Variants in SLC17A4 observed in about 807,000 individuals in gnomAD.
The protein encoded by SLC17A4 is solute carrier family 17 member 4.
Under a neutral mutation model 52.5 loss-of-function variants are expected in SLC17A4, and 33 were observed. The observed-to-expected ratio is 0.63, with a 90% CI of 0.48 to 0.84. The LOEUF is 0.84. Among genes scored for constraint, SLC17A4 ranks in the 40% least tolerant of loss-of-function variants. SLC17A4 has a pLI of 0.00. For missense variants in SLC17A4, 585 were observed against 597.1 expected, an observed-to-expected ratio of 0.98 and a Z score of 0.21; for synonymous variants, 225 against 216.2, an observed-to-expected ratio of 1.04 and a Z score of -0.36.
At chr6:25,758,483 AGAGAGAG>A (rs954519594) in intron 1 of SLC17A4, among the ~76,000 whole-genome samples, 4 of 152,186 alleles carry the variant, frequency 2.6e-5, no homozygotes, top group African/African-American at 9.6e-5. Flanking sequence ...ATTCCTTTGC[AGAGAGAG>A]TTTCTATTTC....
Position 25,776,942 on chromosome 6 carries a change from C to G in SLC17A4, c.1251C>G (p.Phe417Leu). The G allele has an allele frequency of 6.2e-7, 1 of 1,613,010 alleles. No individual in the cohort carries two copies. ...GTGAATCAGGAGCCCTTGTTAACTT[C>G]TTGGATATTGCTCCTCGGTAGGGAC... ...SFCESGALVN[F>L]LDIAPRYTGF... Residue 417 changes from phenylalanine to leucine, a missense_variant, in exon 10 of 12, where the codon TTC becomes TTG. Physicochemically the swap from Phe to Leu is conservative, Grantham distance 22. Transcript: ENST00000377905.
chr6:25,770,079 G>T lies in SLC17A4; in HGVS notation c.310G>T (p.Asp104Tyr). 6.2e-7 allele frequency: 1 copy of T among 1,613,880 alleles called. No homozygotes were observed. Among genetic ancestry groups the T allele is most frequent in the South Asian group, 1.1e-5 (1 of 91,042 alleles). Residue 104 changes from aspartate (D) to tyrosine (Y), a missense_variant, in exon 4 of 12, where the codon GAC (aspartate) becomes TAC (tyrosine). Asp to Tyr is a radical substitution (Grantham distance 160, BLOSUM62 -3). Transcript: ENST00000377905. ...CTTTGTCATCTAGGCCCCTGCATAT[G>T]ACTGGAGTCCTGAAATCCAGGGAAT... ...KEFKAMAPAY[D>Y]WSPEIQGIIL...
chr6:25,773,482 G>A (rs370409894), intron 7 of SLC17A4, 31 bp from the exon 8 acceptor site: 94 of 1,612,940 alleles, frequency 5.8e-5, no homozygotes, highest in Middle Eastern at 1.6e-4. Flanking sequence ...GCCTTCTGAC[G>A]GAGGGGACAT....
intron 6 of SLC17A4, among the ~76,000 whole-genome samples, chr6:25,771,817 A>G (rs1271321380): frequency 1.3e-5 from 2 of 152,148 alleles, no homozygotes; most frequent in African/African-American, 2.4e-5. Flanking sequence ...TGTGAGGTTC[A>G]GAAGTGGACA....
intron 11 of SLC17A4, 72 bp downstream of exon 11, chr6:25,778,088 G>A: frequency 9.0e-7 from 1 of 1,113,884 alleles, no homozygotes; most frequent in Non-Finnish European, 1.3e-6. Context: ...CATATGCACG[G>A]CCTTGTATCC....
At chr6:25,768,323 G>A (rs758152103) in intron 2 of SLC17A4, 160 of 971,664 alleles carry the variant, frequency 1.6e-4, no homozygotes, top group Non-Finnish European at 1.8e-4. Flanking sequence ...TTACCTCTGG[G>A]ATTTCTCTAC....
chr6:25,761,083 TC>T (rs1285186333), intron 1 of SLC17A4, among the ~76,000 whole-genome samples: 1 of 152,224 alleles, frequency 6.6e-6, no homozygotes, highest in African/African-American at 2.4e-5. Flanking sequence ...TGGGCTTGAT[TC>T]TTTGGTCAGT....
intron 8 of SLC17A4, among the ~76,000 whole-genome samples, chr6:25,774,331 T>C (rs1762722630): frequency 1.3e-5 from 2 of 152,324 alleles, no homozygotes; most frequent in South Asian, 2.1e-4. Flanking sequence ...GGCTATCAGA[T>C]TTCATAACAT....
rs765275566 is a variant in SLC17A4, at chr6:25,778,161, A to G, written c.1359+145A>G. Reference sequence around the variant, plus strand: ...TTACATGATGACTTAAGAATTAAAGAAACTTAAGATTCTTAAGTTTCCTAA... The same window carrying G: ...TTACATGATGACTTAAGAATTAAAGGAACTTAAGATTCTTAAGTTTCCTAA... On this transcript the variant is annotated intron_variant, in intron 11 of 11. Transcript: ENST00000377905. The G allele has an allele frequency of 6.4e-4, 381 of 596,300 alleles. 1 individual carries two copies. Among genetic ancestry groups the G allele is most frequent in the Non-Finnish European group, 7.6e-4 (261 of 343,574 alleles). The allele number at this position is 596,300 out of a possible 1,614,324, so 36.9% of individuals were successfully genotyped here. A position where few individuals can be genotyped will look rare whatever the true frequency, so the allele number is the denominator to read the frequency against.
intron 1 of SLC17A4, among the ~76,000 whole-genome samples, chr6:25,756,282 C>A (rs1313887258): frequency 6.6e-6 from 1 of 152,148 alleles, no homozygotes; most frequent in African/African-American, 2.4e-5. Context: ...AAAAACGTGA[C>A]AAACTTGCTG....
rs1301478110 is a variant in SLC17A4 at position 25,773,631 on chromosome 6, C to G, written c.944C>G (p.Thr315Arg). 2.5e-6 allele frequency: 4 copies of G among 1,613,892 alleles called. No homozygotes were observed. The highest frequency in any genetic ancestry group is 3.4e-6 in the Non-Finnish European group (4 of 1,179,846). ...CTTTTTTATACCATTATGGCGTACACACCAACGTACATCAGCTCGGTACTT... is the reference window on the plus strand; with the variant it reads ...CTTTTTTATACCATTATGGCGTACAGACCAACGTACATCAGCTCGGTACTT... ...YWLFYTIMAYTPTYISSVLQA... is the reference protein window; with the variant it reads ...YWLFYTIMAYRPTYISSVLQA... The change falls in exon 8 of 12, where the codon ACA becomes AGA. Residue 315 changes from threonine to arginine, a missense_variant. Coordinates refer to ENST00000377905, the MANE Select transcript of SLC17A4 (RefSeq NM_005495.3).
At chr6:25,771,819 A>G (rs4712972) in intron 6 of SLC17A4, among the ~76,000 whole-genome samples, 118,505 of 151,990 alleles carry the variant, frequency 0.78, 48,145 homozygotes, top group East Asian at 0.95. Context: ...TGAGGTTCAG[A>G]AGTGGACATA....
rs1341759037 is a variant in SLC17A4, at chr6:25,770,054, C to T, written c.298-13C>T. 2 of 1,607,494 alleles carry T rather than the reference C, an allele frequency of 1.2e-6. No homozygotes were observed. Among genetic ancestry groups the T allele is most frequent in the Non-Finnish European group, 1.7e-6 (2 of 1,174,142 alleles). On this transcript the variant is annotated splice_polypyrimidine_tract_variant and intron_variant, in intron 3 of 11. Coordinates refer to ENST00000377905, the MANE Select transcript of SLC17A4 (RefSeq NM_005495.3). ...TCAACTAAAGACAAACAGTAACTCT[C>T]TTTGTCATCTAGGCCCCTGCATATG...
intron 1 of SLC17A4, among the ~76,000 whole-genome samples, 180 bp from the exon 2 acceptor site, chr6:25,761,747 C>A (rs938397412): frequency 6.6e-6 from 1 of 152,100 alleles, no homozygotes; most frequent in Admixed American, 6.5e-5. Context: ...GGGTAAACTG[C>A]GACCTTTCAA....
chr6:25,762,113 T>A (rs1761593553), intron 2 of SLC17A4, 60 bp downstream of exon 2: 1 of 1,454,104 alleles, frequency 6.9e-7, no homozygotes, highest in African/African-American at 1.4e-5. Context: ...CACTGTAACT[T>A]GTGGTACTAA....
At chr6:25,765,828 T>C (rs980518643) in intron 2 of SLC17A4, among the ~76,000 whole-genome samples, 1 of 152,066 alleles carries the variant, frequency 6.6e-6, no homozygotes, top group Non-Finnish European at 1.5e-5. Flanking sequence ...AGACAACTTA[T>C]AGAAAATAAT....
At chr6:25,764,795 A>G (rs1384722581) in intron 2 of SLC17A4, among the ~76,000 whole-genome samples, 1 of 152,210 alleles carries the variant, frequency 6.6e-6, no homozygotes, top group African/African-American at 2.4e-5. Context: ...CTCACGCTTC[A>G]CTGGCCTTTC....
rs751858810 is a variant in SLC17A4, at chr6:25,770,096, C to A, written c.327C>A (p.Ile109=). ...MAPAYDWSPE[I]QGIILSSLNY... ...CTGCATATGACTGGAGTCCTGAAAT[C>A]CAGGGAATCATCCTCAGCTCCCTCA... The change falls in exon 4 of 12, where the codon ATC becomes ATA. Residue 109 remains isoleucine, a synonymous_variant. Transcript: ENST00000377905. The A allele has an allele frequency of 6.2e-7, 1 of 1,614,034 alleles. No homozygotes were observed. The highest frequency in any genetic ancestry group is 2.2e-5 in the East Asian group (1 of 44,886).
intron 8 of SLC17A4, among the ~76,000 whole-genome samples, 167 bp from the exon 9 acceptor site, chr6:25,776,428 A>G (rs888814777): frequency 1.3e-5 from 2 of 152,008 alleles, no homozygotes; most frequent in Non-Finnish European, 2.9e-5. Flanking sequence ...AGCTATGAAC[A>G]TATACATACT....
Sources: allele counts gnomAD v4.1 joint callset (sites outside exome capture counted in the v4.1 genomes callset), GRCh38; gene constraint gnomAD v4.1.1; transcripts MANE v1.5; gene names NCBI Gene and HGNC (gene_info 2026-07-23, HGNC 2026-07-21).